Variants in C12orf42 observed in about 807,000 individuals in gnomAD.
The protein encoded by C12orf42 is chromosome 12 open reading frame 42.
In C12orf42, 25 loss-of-function variants were observed where a neutral mutation model predicts 21.6. The observed-to-expected ratio is 1.16, with a 90% CI of 0.84 to 1.62. C12orf42 has a LOEUF of 1.62. Ranked by LOEUF, C12orf42 falls within the 40% of genes most tolerant of loss-of-function variation. The pLI is 0.00. For missense variants in C12orf42, 483 were observed against 459.3 expected, an observed-to-expected ratio of 1.05 and a Z score of -0.47; for synonymous variants, 174 against 175.0, an observed-to-expected ratio of 0.99 and a Z score of 0.05.
At chr12:103,273,789 T>C in intron 5 of C12orf42, 1 of 452,052 alleles carries the variant, frequency 2.2e-6, no homozygotes, top group South Asian at 1.6e-5. Flanking sequence ...ACTTGTCTTT[T>C]ACCTGATGAC....
At chr12:103,535,700 T>C in the C12orf42 span, among the ~76,000 whole-genome samples, 1 of 152,288 alleles carries the variant, frequency 6.6e-6, no homozygotes, top group South Asian at 2.1e-4. Context: ...GCCATAAAAA[T>C]AATCTAGGCA....
At chr12:103,337,514 C>T (rs997711315) in intron 4 of C12orf42, among the ~76,000 whole-genome samples, 5 of 152,136 alleles carry the variant, frequency 3.3e-5, no homozygotes, top group Admixed American at 3.3e-4. Context: ...CCCTGTCTGG[C>T]TAATTTTTAT....
intron 1 of C12orf42, among the ~76,000 whole-genome samples, chr12:103,485,132 G>A (rs536161785): frequency 6.6e-6 from 1 of 152,116 alleles, no homozygotes; most frequent in East Asian, 1.9e-4. Context: ...GCCTCCCAAA[G>A]TGCTGGGATT....
At chr12:103,390,201 G>A (rs563116136) in intron 3 of C12orf42, among the ~76,000 whole-genome samples, 10 of 152,192 alleles carry the variant, frequency 6.6e-5, no homozygotes, top group Admixed American at 1.3e-4. Context: ...TATCTGGCAC[G>A]AAATAATAAT....
chr12:103,456,559 C>T (rs1292640061), intron 2 of C12orf42, among the ~76,000 whole-genome samples: 2 of 152,158 alleles, frequency 1.3e-5, no homozygotes, highest in Admixed American at 6.6e-5. Context: ...AATCTTTTAA[C>T]TCATTGTTTA....
chr12:103,507,157 T>TATATAATATATATTTATATTATATATATA, the C12orf42 span, among the ~76,000 whole-genome samples: 2 of 20,690 alleles, frequency 9.7e-5, no homozygotes, highest in African/African-American at 1.0e-3. Context: ...TATAAATATA[T>TATATAATATATATTTATATTATATATATA]ATATATAATA....
At chr12:103,132,945 C>T in the C12orf42 span, among the ~76,000 whole-genome samples, 1 of 152,172 alleles carries the variant, frequency 6.6e-6, no homozygotes, top group South Asian at 2.1e-4. Flanking sequence ...TAGCCTTGGG[C>T]CTGAGGCTCA....
At chr12:103,051,018 A>C in the C12orf42 span, among the ~76,000 whole-genome samples, 1 of 152,164 alleles carries the variant, frequency 6.6e-6, no homozygotes, top group African/African-American at 2.4e-5. Flanking sequence ...TAGGGCACTT[A>C]ATGAGTTTCC....
chr12:103,196,743 C>CTCT, the C12orf42 span, among the ~76,000 whole-genome samples: 2 of 151,952 alleles, frequency 1.3e-5, no homozygotes, highest in African/African-American at 4.8e-5. Flanking sequence ...GAATAGCGAC[C>CTCT]TCTACTCTTG....
intron 2 of C12orf42, among the ~76,000 whole-genome samples, chr12:103,476,608 C>T (rs1954071613): frequency 6.6e-6 from 1 of 152,152 alleles, no homozygotes; most frequent in Non-Finnish European, 1.5e-5. Flanking sequence ...GAAGCAGTTT[C>T]CTAAAAGAAG....
At chr12:103,147,485 CTTTTTTTCTT>C in the C12orf42 span, among the ~76,000 whole-genome samples, 9 of 113,864 alleles carry the variant, frequency 7.9e-5, no homozygotes, top group South Asian at 2.9e-4. Flanking sequence ...TTTAATTTTT[CTTTTTTTCTT>C]TTTTTTTCTT....
chr12:103,109,287 AT>A, the C12orf42 span, among the ~76,000 whole-genome samples: 1 of 152,256 alleles, frequency 6.6e-6, no homozygotes, highest in African/African-American at 2.4e-5. Context: ...AAACAAATCC[AT>A]TTACACATAT....
the C12orf42 span, chr12:103,558,205 C>G: frequency 6.6e-6 from 1 of 152,244 alleles, no homozygotes; most frequent in East Asian, 1.9e-4. Flanking sequence ...CACTCTTGAC[C>G]CTTCCAATCT....
At chr12:103,274,111 T>C (rs1441910101) in intron 5 of C12orf42, among the ~76,000 whole-genome samples, 1 of 152,200 alleles carries the variant, frequency 6.6e-6, no homozygotes, top group African/African-American at 2.4e-5. Flanking sequence ...TACTCATTTA[T>C]TTAATCCTCA....
rs548737746 is a variant in C12orf42 at position 103,283,668 on chromosome 12, T to C, written n.338-6458A>G. On this transcript the variant is annotated intron_variant and non_coding_transcript_variant, in intron 4 of 6. Transcript: ENST00000546526. ...ATTTCCTTCCTTTGGGGCCTCTGACTAAGTCATTTTCTCCTATTATGCTTT... is the reference window on the plus strand; with the variant it reads ...ATTTCCTTCCTTTGGGGCCTCTGACCAAGTCATTTTCTCCTATTATGCTTT... Among the ~76,000 whole-genome samples, 43 of 152,308 alleles carry C rather than the reference T, an allele frequency of 2.8e-4. No individual in the cohort carries two copies. In the South Asian group the frequency reaches 8.1e-3, roughly 29 times the overall value.
chr12:103,258,307 T>C (rs1384247374), intron 10 of C12orf42, among the ~76,000 whole-genome samples: 1 of 152,016 alleles, frequency 6.6e-6, no homozygotes, highest in Non-Finnish European at 1.5e-5. Flanking sequence ...CATATAGATA[T>C]CGTAAACTGC....
the C12orf42 span, among the ~76,000 whole-genome samples, chr12:103,529,413 G>C: frequency 6.6e-6 from 1 of 152,182 alleles, no homozygotes; most frequent in African/African-American, 2.4e-5. Context: ...CTGCATTAGA[G>C]CTTCTCACAG....
chr12:103,270,734 CT>C (rs1186197353), intron 5 of C12orf42, among the ~76,000 whole-genome samples: 2 of 143,540 alleles, frequency 1.4e-5, no homozygotes, highest in Non-Finnish European at 3.1e-5. Flanking sequence ...CCCCCTCCCC[CT>C]ACCCCACAAC....
At chr12:103,481,011 A>G (rs1404458054) in intron 1 of C12orf42, among the ~76,000 whole-genome samples, 1 of 151,380 alleles carries the variant, frequency 6.6e-6, no homozygotes, top group Non-Finnish European at 1.5e-5. Flanking sequence ...GGGTCTTTCT[A>G]TTTTTTTCTG....
Sources: gnomAD v4.1 joint callset for allele counts (sites outside exome capture counted in the v4.1 genomes callset) on GRCh38, gnomAD v4.1.1 for gene constraint, MANE v1.5 for transcripts, NCBI Gene and HGNC (gene_info 2026-07-23, HGNC 2026-07-21) for gene names.